C1QL1: variants seen among roughly 807,000 people sequenced by gnomAD.
C1QL1 encodes complement C1q like 1, also known as C1q-related factor.
In C1QL1, 15 loss-of-function variants were observed where a neutral mutation model predicts 14.2. The ratio of observed to expected loss-of-function variants is 1.06; its 90% CI spans 0.71 to 1.62. The LOEUF (loss-of-function observed/expected upper bound fraction) is 1.62. Among genes scored for constraint, C1QL1 ranks in the 40% most tolerant of loss-of-function variants. The probability of loss-of-function intolerance (pLI) is 0.00; values close to 1 mark genes in which losing one functional copy is unlikely to be tolerated. For synonymous variants in C1QL1, 172 were observed against 172.4 expected (o/e 1.00, Z 0.02); for missense variants, 346 against 380.3 (o/e 0.91, Z 0.75).
Position 44,968,022 on chromosome 17 carries a change from G to T in C1QL1, c.27C>A (p.Ile9=), listed in dbSNP as rs2143031085. 7.2e-7 allele frequency: 1 copy of T among 1,379,402 alleles called. No individual in the cohort carries two copies. Among genetic ancestry groups the T allele is most frequent in the Non-Finnish European group, 9.4e-7 (1 of 1,063,446 alleles). The allele number at this position is 1,379,402 out of a possible 1,614,324, so 85.4% of individuals were successfully genotyped here. Reference sequence around the variant, plus strand: ...GGCCGCCCGAGCTCACCAGCACGGGGATGAGCACCACCAGCACCAGCAGCA... The same window carrying T: ...GGCCGCCCGAGCTCACCAGCACGGGTATGAGCACCACCAGCACCAGCAGCA... MLLVLVVL[I]PVLVSSGGPE... Residue 9 remains isoleucine, a synonymous_variant, in exon 1 of 2, where the codon ATC becomes ATA. Coordinates refer to ENST00000253407, the MANE Select transcript of C1QL1 (RefSeq NM_006688.5).
rs1310524426 is a variant in C1QL1 at position 44,967,281 on chromosome 17, T to C, written c.597+171A>G. 6.6e-6 allele frequency among the ~76,000 whole-genome samples: 1 copy of C among 152,206 alleles called. No homozygotes were observed. ...ACCCAGGAACTGAGGATCGGCGATG[T>C]CCGCTGGCTCCGACCATCCCCACAC... is the stretch of plus-strand genomic sequence containing the variant. On this transcript the variant is annotated intron_variant, in intron 1 of 1. Coordinates refer to ENST00000253407, the MANE Select transcript of C1QL1 (RefSeq NM_006688.5). The surrounding 1 kb of genome is among the most constrained non-coding windows in gnomAD (Gnocchi z 7.0).
Position 44,963,379 on chromosome 17 carries a change from C to G in C1QL1, c.598-3012G>C, listed in dbSNP as rs141510531. On this transcript the variant is annotated intron_variant, in intron 1 of 1. Transcript: ENST00000253407. ...AGGTATTAGGGGCCAGAAAGGATAG[C>G]CAGGGGGCCATCTGCCACCACCAGG... is the stretch of plus-strand genomic sequence containing the variant. Among the ~76,000 whole-genome samples, 331 of 151,862 alleles carry G rather than the reference C, an allele frequency of 2.2e-3. 4 individuals are homozygous for G. The South Asian group carries it at 0.026, about 12-fold the overall frequency.
intron 1 of C1QL1, among the ~76,000 whole-genome samples, chr17:44,963,333 C>T (rs1223350603): frequency 6.6e-6 from 1 of 150,418 alleles, no homozygotes; most frequent in African/African-American, 2.5e-5. Context: ...CTGTGCCAGG[C>T]ACTGTGCTCT....
At chr17:44,965,132 C>T (rs1180939669) in intron 1 of C1QL1, among the ~76,000 whole-genome samples, 1 of 152,152 alleles carries the variant, frequency 6.6e-6, no homozygotes, top group Non-Finnish European at 1.5e-5. Context: ...CCCGCCTTAG[C>T]CTCCCAAGTA....
In C1QL1 at chr17:44,960,340, C is replaced by A. The variant is rs754785270; in HGVS notation, c.625G>T (p.Ala209Ser). ...QVRASAIAQD[A>S]DQNYDYASNS... ...CTGGCGTAGTCGTAGTTCTGGTCCG[C>A]GTCCTGGGCAATAGCACTGGCCCGC... The change falls in exon 2 of 2, where the codon GCG (alanine) becomes TCG (serine). Residue 209 changes from alanine (A) to serine (S), a missense_variant. Physicochemically the swap from Ala to Ser is moderately conservative, Grantham distance 99. Transcript: ENST00000253407. 1.2e-6 allele frequency: 2 copies of A among 1,613,826 alleles called. No homozygotes were observed. The highest frequency in any genetic ancestry group is 2.7e-5 in the African/African-American group (2 of 74,918).
chr17:44,967,898 C>A lies in C1QL1; in HGVS notation c.151G>T (p.Ala51Ser). ...GAGARTDGGD[A>S]LSEQSGAPPP... ...GGCGCGCCGCTCTGCTCGCTCAGGG[C>A]GTCGCCGCCGTCGGTCCGCGCGCCG... is the stretch of plus-strand genomic sequence containing the variant. The change falls in exon 1 of 2, where the codon GCC (alanine) becomes TCC (serine). Residue 51 changes from alanine to serine, a missense_variant. Coordinates refer to ENST00000253407, the MANE Select transcript of C1QL1 (RefSeq NM_006688.5). This position sits in a 1 kb window ranked among gnomAD's most constrained non-coding sequence, Gnocchi z 7.0. 8.0e-7 allele frequency: 1 copy of A among 1,243,756 alleles called. No individual in the cohort carries two copies. Among genetic ancestry groups the A allele is most frequent in the Non-Finnish European group, 1.0e-6 (1 of 999,262 alleles). The allele number at this position is 1,243,756 out of a possible 1,614,324, so 77.0% of individuals were successfully genotyped here. A position where few individuals can be genotyped will look rare whatever the true frequency, so the allele number is the denominator to read the frequency against.
Position 44,960,105 on chromosome 17 carries a change from G to T in C1QL1, c.*83C>A. ...GGGGAGGGCCGGGCAGCGAGCGGGT[G>T]GGCGAGGGGCGAGTCATCGTCTGCC... is the stretch of plus-strand genomic sequence containing the variant. On this transcript the variant is annotated 3_prime_UTR_variant, in exon 2 of 2. Transcript: ENST00000253407. 1 of 1,263,896 alleles carries T rather than the reference G, an allele frequency of 7.9e-7. No homozygotes were observed. The highest frequency in any genetic ancestry group is 1.1e-6 in the Non-Finnish European group (1 of 876,440). 78.3% of individuals were successfully genotyped at this position (1,263,896 alleles called of 1,614,324 possible). A position where few individuals can be genotyped will look rare whatever the true frequency, so the allele number is the denominator to read the frequency against.
Position 44,967,727 on chromosome 17 carries a change from G to C in C1QL1, c.322C>G (p.Pro108Ala). Residue 108 changes from proline to alanine, a missense_variant, in exon 1 of 2, where the codon CCG (proline) becomes GCG (alanine). Physicochemically the swap from Pro to Ala is conservative, Grantham distance 27 (BLOSUM62 -1). Coordinates refer to ENST00000253407, the MANE Select transcript of C1QL1 (RefSeq NM_006688.5). The surrounding 1 kb of genome is among the most constrained non-coding windows in gnomAD (Gnocchi z 7.0). ...EKGEPGKPGPPGLPGAGGSGA... is the reference protein window; with the variant it reads ...EKGEPGKPGPAGLPGAGGSGA... ...CTGCCCCCCGCGCCCGGCAGCCCCGGAGGGCCCGGCTTGCCTGGCTCACCC... is the reference window on the plus strand; with the variant it reads ...CTGCCCCCCGCGCCCGGCAGCCCCGCAGGGCCCGGCTTGCCTGGCTCACCC... 2 of 1,605,882 alleles carry C rather than the reference G, an allele frequency of 1.2e-6. No individual in the cohort carries two copies. Among genetic ancestry groups the C allele is most frequent in the South Asian group, 1.1e-5 (1 of 90,756 alleles).
Position 44,959,933 on chromosome 17 carries a change from A to G in C1QL1, c.*255T>C. 1 of 498,906 alleles carries G rather than the reference A, an allele frequency of 2.0e-6. No homozygotes were observed. The highest frequency in any genetic ancestry group is 3.6e-6 in the Non-Finnish European group (1 of 279,854). The allele number at this position is 498,906 out of a possible 1,614,324, so 30.9% of individuals were successfully genotyped here. On this transcript the variant is annotated 3_prime_UTR_variant, in exon 2 of 2. Coordinates refer to ENST00000253407, the MANE Select transcript of C1QL1 (RefSeq NM_006688.5). The stretch of plus-strand genomic sequence containing the variant: ...GGCAGTAAACAGTCCTATTGTACAA[A>G]TATATAGCGCGGGCTGGGCGGGGGC...
chr17:44,967,639 T>C lies in C1QL1; in HGVS notation c.410A>G (p.Lys137Arg), dbSNP rs930840273. ...TACCTCGTAACCCTCGTGGGGGTTC[T>C]TGAGGCCGGCGTAGAAGGCCACGCG... ...VPRVAFYAGL[K>R]NPHEGYEVLK... is the part of the protein sequence containing the mutation. Residue 137 changes from lysine (K) to arginine (R), a missense_variant, in exon 1 of 2, where the codon AAG (lysine) becomes AGG (arginine). By Grantham distance (26) the Lys-to-Arg change is conservative. Transcript: ENST00000253407. This position sits in a 1 kb window ranked among gnomAD's most constrained non-coding sequence, Gnocchi z 7.0. 7 of 1,613,760 alleles carry C rather than the reference T, an allele frequency of 4.3e-6. No homozygotes were observed. The highest frequency in any genetic ancestry group is 8.5e-7 in the Non-Finnish European group (1 of 1,179,914).
intron 1 of C1QL1, among the ~76,000 whole-genome samples, chr17:44,961,908 AAAAGAGAG>A (rs1276013293): frequency 3.6e-5 from 5 of 138,930 alleles, no homozygotes; most frequent in African/African-American, 1.3e-4. Context: ...AAAAAAAAAA[AAAAGAGAG>A]AGAGAGAGAG....
chr17:44,965,599 C>A (rs1424691485), intron 1 of C1QL1, among the ~76,000 whole-genome samples: 1 of 152,222 alleles, frequency 6.6e-6, no homozygotes, highest in Non-Finnish European at 1.5e-5. Context: ...CAACACCCTG[C>A]CCCTGCTGGA....
At position 44,967,617 on chromosome 17, in the gene C1QL1, C is replaced by A; in HGVS notation, c.432G>T (p.Glu144Asp). Residue 144 changes from glutamate (E) to aspartate (D), a missense_variant, in exon 1 of 2, where the codon GAG becomes GAT. Coordinates refer to ENST00000253407, the MANE Select transcript of C1QL1 (RefSeq NM_006688.5). This position sits in a 1 kb window ranked among gnomAD's most constrained non-coding sequence, Gnocchi z 7.0. ...AGLKNPHEGY[E>D]VLKFDDVVTN... The stretch of plus-strand genomic sequence containing the variant: ...TGACCACGTCGTCAAACTTGAGTAC[C>A]TCGTAACCCTCGTGGGGGTTCTTGA... 1 of 1,614,010 alleles carries A rather than the reference C, an allele frequency of 6.2e-7. No homozygotes were observed.
chr17:44,964,499 C>A (rs2052646102), intron 1 of C1QL1, among the ~76,000 whole-genome samples: 1 of 152,216 alleles, frequency 6.6e-6, no homozygotes, highest in Admixed American at 6.5e-5. Context: ...CCAGGGTAGG[C>A]CCTACTGAAG....
In C1QL1 at chr17:44,959,795, C is replaced by A. The variant is rs1393836715; in HGVS notation, c.*393G>T. The stretch of plus-strand genomic sequence containing the variant: ...GCTATCCAGCCCCCAACTCCCCCCT[C>A]CCCCGGGCGCGCCACCCCGGAGGGA... On this transcript the variant is annotated 3_prime_UTR_variant, in exon 2 of 2. Coordinates refer to ENST00000253407, the MANE Select transcript of C1QL1 (RefSeq NM_006688.5). The A allele has an allele frequency of 1.0e-5, 2 of 196,574 alleles. No homozygotes were observed. The highest frequency in any genetic ancestry group is 5.9e-5 in the Admixed American group (1 of 16,816). The allele number at this position is 196,574 out of a possible 1,614,324, so 12.2% of individuals were successfully genotyped here.
In C1QL1 at chr17:44,959,737, A is replaced by C; in HGVS notation, c.*451T>G. Reference sequence around the variant, plus strand: ...TATTATAACTTTGGTCAGACGGGGCACAGCCGGGCGGGGGCTCTGAGGGTG... The same window carrying C: ...TATTATAACTTTGGTCAGACGGGGCCCAGCCGGGCGGGGGCTCTGAGGGTG... On this transcript the variant is annotated 3_prime_UTR_variant, in exon 2 of 2. Transcript: ENST00000253407. 5.9e-6 allele frequency: 1 copy of C among 168,336 alleles called. No homozygotes were observed. Among genetic ancestry groups the C allele is most frequent in the Non-Finnish European group, 1.3e-5 (1 of 79,638 alleles). 10.4% of individuals were successfully genotyped at this position (168,336 alleles called of 1,614,324 possible).
intron 1 of C1QL1, among the ~76,000 whole-genome samples, chr17:44,964,605 G>C (rs1451665597): frequency 6.6e-6 from 1 of 152,172 alleles, no homozygotes; most frequent in Non-Finnish European, 1.5e-5. Context: ...GTGGTTGTAT[G>C]TTATGAATGT....
chr17:44,961,942 G>C (rs2052630105), intron 1 of C1QL1, among the ~76,000 whole-genome samples: 1 of 151,746 alleles, frequency 6.6e-6, no homozygotes, highest in African/African-American at 2.4e-5. Flanking sequence ...GAGATTGTGT[G>C]GTGGTGAACG....
At chr17:44,966,631 A>T (rs934387692) in intron 1 of C1QL1, among the ~76,000 whole-genome samples, 1 of 152,096 alleles carries the variant, frequency 6.6e-6, no homozygotes. Flanking sequence ...TCCCCGACAC[A>T]CTCAGTGCTT....
Sources: allele counts gnomAD v4.1 joint callset (sites outside exome capture counted in the v4.1 genomes callset), GRCh38; gene constraint gnomAD v4.1.1; non-coding constraint Gnocchi (gnomAD v3.1); transcripts MANE v1.5; gene names NCBI Gene and HGNC (gene_info 2026-07-23, HGNC 2026-07-21).